Variants in PDE3A observed in about 807,000 individuals in gnomAD.
The protein encoded by PDE3A is phosphodiesterase 3A, also known as cGMP-inhibited 3',5'-cyclic phosphodiesterase 3A.
PDE3A carries 43 observed loss-of-function variants against 98.3 expected under a neutral mutation model. The ratio of observed to expected loss-of-function variants is 0.44; its 90% confidence interval spans 0.34 to 0.56. PDE3A has a LOEUF of 0.56. Among genes scored for constraint, PDE3A ranks in the 20% least tolerant of loss-of-function variants. The pLI, the probability that PDE3A is intolerant of heterozygous loss-of-function variation, is 0.01. For missense variants in PDE3A, 1,427 were observed against 1,440.7 expected, an observed-to-expected ratio of 0.99 and a Z score of 0.15; for synonymous variants, 663 against 567.9, an observed-to-expected ratio of 1.17 and a Z score of -2.38.
chr12:20,375,836 C>T (rs1226698608), intron 1 of PDE3A, among the ~76,000 whole-genome samples: 1 of 151,832 alleles, frequency 6.6e-6, no homozygotes. Context: ...TAACTTGGAG[C>T]AGGTTTTTAA....
intron 1 of PDE3A, among the ~76,000 whole-genome samples, chr12:20,385,466 G>C (rs1943738720): frequency 6.6e-6 from 1 of 151,872 alleles, no homozygotes; most frequent in Non-Finnish European, 1.5e-5. Context: ...TATAAATCAT[G>C]CTGCTACAAA....
chr12:20,610,894 G>A (rs1185912680), intron 2 of PDE3A, among the ~76,000 whole-genome samples: 1 of 151,964 alleles, frequency 6.6e-6, no homozygotes, highest in Non-Finnish European at 1.5e-5. Flanking sequence ...AGAGTCAGGG[G>A]AAGGGTCAGG....
At chr12:20,407,304 C>A (rs904599536) in intron 1 of PDE3A, among the ~76,000 whole-genome samples, 1 of 152,126 alleles carries the variant, frequency 6.6e-6, no homozygotes, top group Non-Finnish European at 1.5e-5. Flanking sequence ...AGCAGGTACA[C>A]AATATAATTT....
chr12:20,507,716 C>G (rs1351832423), intron 1 of PDE3A, among the ~76,000 whole-genome samples: 2 of 152,062 alleles, frequency 1.3e-5, no homozygotes, highest in Non-Finnish European at 2.9e-5. Flanking sequence ...TCTCTGACTC[C>G]CCTTTCTCTG....
chr12:20,686,714 T>C lies in PDE3A; in HGVS notation c.*6443T>C, dbSNP rs1945973792. Among the ~76,000 whole-genome samples the C allele has an allele frequency of 1.3e-5, 2 of 152,106 alleles. No individual in the cohort carries two copies. Among genetic ancestry groups the C allele is most frequent in the Admixed American group, 1.3e-4 (2 of 15,262 alleles). On this transcript the variant is annotated 3_prime_UTR_variant, in exon 16 of 16. Transcript: ENST00000359062. ...CATGGCTTCTCTTCAATTATACTTCTCTTACTCAATATTAGTAACCAAAAA... is the reference window on the plus strand; with the variant it reads ...CATGGCTTCTCTTCAATTATACTTCCCTTACTCAATATTAGTAACCAAAAA...
intron 1 of PDE3A, among the ~76,000 whole-genome samples, chr12:20,428,987 G>A (rs1944649009): frequency 6.6e-6 from 1 of 152,124 alleles, no homozygotes; most frequent in South Asian, 2.1e-4. Context: ...TTTCACAAAT[G>A]CAAATGTACA....
In PDE3A at chr12:20,682,715, G is replaced by T. The variant is rs1441269706; in HGVS notation, c.*2444G>T. 1.3e-5 allele frequency: 2 copies of T among 151,996 alleles called. No individual in the cohort carries two copies. The highest frequency in any genetic ancestry group is 6.6e-5 in the Admixed American group (1 of 15,254). The allele number at this position is 151,996 out of a possible 1,614,324, so 9.4% of individuals were successfully genotyped here. On this transcript the variant is annotated 3_prime_UTR_variant, in exon 16 of 16. Coordinates refer to ENST00000359062, the MANE Select transcript of PDE3A (RefSeq NM_000921.5). ...TGAATTTAACTATTTTTCTTTCCTT[G>T]CAATTAAGGGGAAAAAAGCATTTAT...
intron 1 of PDE3A, among the ~76,000 whole-genome samples, chr12:20,426,673 A>T (rs1237152509): frequency 6.6e-6 from 1 of 152,218 alleles, no homozygotes; most frequent in African/African-American, 2.4e-5. Context: ...ACACGCTTAT[A>T]TATTGCCCTA....
rs568446926 is a variant in PDE3A at position 20,679,494 on chromosome 12, G to A, written c.3185-536G>A. On this transcript the variant is annotated intron_variant, in intron 15 of 15. Transcript: ENST00000359062. ...AATCTCCTGAGCTCGTGATTCGCCC[G>A]CCTTGGCCTCCCAAAGTGCTGGGAT... Among the ~76,000 whole-genome samples, 8 of 152,208 alleles carry A rather than the reference G, an allele frequency of 5.3e-5. No homozygotes were observed. In the East Asian group the frequency reaches 5.8e-4, roughly 11 times the overall value.
intron 1 of PDE3A, among the ~76,000 whole-genome samples, chr12:20,482,192 A>T (rs1253352141): frequency 1.3e-5 from 2 of 152,182 alleles, no homozygotes; most frequent in African/African-American, 4.8e-5. Flanking sequence ...AGAAATGAAA[A>T]GTATTTTAGT....
intron 1 of PDE3A, among the ~76,000 whole-genome samples, chr12:20,536,830 G>A (rs1406256056): frequency 6.6e-6 from 1 of 152,036 alleles, no homozygotes; most frequent in Non-Finnish European, 1.5e-5. Flanking sequence ...TGGCTATTAT[G>A]AATAATGCTG....
At position 20,436,897 on chromosome 12, in the gene PDE3A, T is replaced by C. The variant is rs111603540; in HGVS notation, c.960+66653T>C. On this transcript the variant is annotated intron_variant, in intron 1 of 15. Transcript: ENST00000359062. The stretch of plus-strand genomic sequence containing the variant: ...TGGCAAGGTTTAGGATTAAATGATA[T>C]TGAACTAGCTTTCCCCTTAGAACAT... Among the ~76,000 whole-genome samples the C allele has an allele frequency of 1.2e-4, 18 of 152,342 alleles. 1 individual carries two copies. Among genetic ancestry groups the C allele is most frequent in the African/African-American group, 4.3e-4 (18 of 41,584 alleles).
intron 5 of PDE3A, among the ~76,000 whole-genome samples, chr12:20,622,675 C>T (rs530547159): frequency 7.9e-5 from 12 of 151,994 alleles, no homozygotes; most frequent in Non-Finnish European, 1.5e-4. Context: ...CGGATTTGCT[C>T]AGTAATAAGG....
chr12:20,533,396 T>C (rs942567545), intron 1 of PDE3A, among the ~76,000 whole-genome samples: 3 of 151,924 alleles, frequency 2.0e-5, no homozygotes, highest in Non-Finnish European at 4.4e-5. Flanking sequence ...GCCTGGATTA[T>C]AGAACTGTGT....
At chr12:20,421,318 A>G (rs907231128) in intron 1 of PDE3A, among the ~76,000 whole-genome samples, 1 of 152,138 alleles carries the variant, frequency 6.6e-6, no homozygotes, top group African/African-American at 2.4e-5. Flanking sequence ...TTCAACAGCC[A>G]TTTTATACTA....
At chr12:20,394,314 C>G (rs1188944423) in intron 1 of PDE3A, among the ~76,000 whole-genome samples, 1 of 151,996 alleles carries the variant, frequency 6.6e-6, no homozygotes, top group Admixed American at 6.6e-5. Flanking sequence ...TGAGTCCATG[C>G]TTGTAACTTA....
At chr12:20,398,464 G>T (rs1399456383) in intron 1 of PDE3A, among the ~76,000 whole-genome samples, 1 of 151,756 alleles carries the variant, frequency 6.6e-6, no homozygotes, top group Non-Finnish European at 1.5e-5. Flanking sequence ...TTGAAAATCT[G>T]TCTTGAGTTT....
At chr12:20,493,586 TTCTC>T (rs902795704) in intron 1 of PDE3A, among the ~76,000 whole-genome samples, 1 of 151,788 alleles carries the variant, frequency 6.6e-6, no homozygotes, top group South Asian at 2.1e-4. Flanking sequence ...TGTGCCTCAC[TTCTC>T]TCTCTCTCCA....
chr12:20,632,529 G>A (rs1944404365), intron 6 of PDE3A, among the ~76,000 whole-genome samples: 1 of 152,194 alleles, frequency 6.6e-6, no homozygotes, highest in African/African-American at 2.4e-5. Flanking sequence ...ATCTAATCAT[G>A]AAGTTTCTAA....
Sources: gnomAD v4.1 joint callset for allele counts (sites outside exome capture counted in the v4.1 genomes callset) on GRCh38, gnomAD v4.1.1 for gene constraint, MANE v1.5 for transcripts, NCBI Gene and HGNC (gene_info 2026-07-23, HGNC 2026-07-21) for gene names.